Variants in GALNT2 observed in about 807,000 individuals in gnomAD.
The protein encoded by GALNT2 is UDP-GalNAc:polypeptide N-acetylgalactosaminyltransferase 2.
In GALNT2, 31 loss-of-function variants were observed where a neutral mutation model predicts 81.4. The observed-to-expected ratio is 0.38, with a 90% confidence interval of 0.29 to 0.51. GALNT2 has a LOEUF of 0.51. GALNT2 is among the 20% of genes least tolerant of loss of function. The pLI, the probability that GALNT2 is intolerant of heterozygous loss-of-function variation, is 0.87. For synonymous variants in GALNT2, 303 were observed against 287.4 expected, an observed-to-expected ratio of 1.05 and a Z score of -0.55; for missense variants, 629 against 765.7, an observed-to-expected ratio of 0.82 and a Z score of 2.11.
chr1:230,181,157 A>G (rs1046029470), intron 2 of GALNT2, among the ~76,000 whole-genome samples: 13 of 152,052 alleles, frequency 8.5e-5, no homozygotes, highest in Non-Finnish European at 1.6e-4. Context: ...GTGAGGGGTC[A>G]TCTTTGCCTT....
chr1:230,269,234 G>A lies in GALNT2; in HGVS notation c.1440+3867G>A, dbSNP rs191701284. ...GGAGTTTGGCTGTGTTGCCCAGGCT[G>A]GAGTGCAGTGGTGCAATCTCGGCTC... On this transcript the variant is annotated intron_variant, in intron 14 of 15. Coordinates refer to ENST00000366672, the MANE Select transcript of GALNT2 (RefSeq NM_004481.5). Among the ~76,000 whole-genome samples the A allele has an allele frequency of 5.0e-3, 697 of 140,656 alleles. 5 individuals carry two copies. Among genetic ancestry groups the A allele is most frequent in the Admixed American group, 0.011 (142 of 12,666 alleles). 92.3% of individuals were successfully genotyped at this position (140,656 alleles called of 152,430 possible). A position where few individuals can be genotyped will look rare whatever the true frequency, so the allele number is the denominator to read the frequency against.
At chr1:230,140,217 A>G (rs1345043081) in intron 1 of GALNT2, among the ~76,000 whole-genome samples, 3 of 152,200 alleles carry the variant, frequency 2.0e-5, no homozygotes, top group Non-Finnish European at 4.4e-5. Flanking sequence ...GCTTGGGTTT[A>G]GGGGATGGCT....
Position 230,279,950 on chromosome 1 carries a change from G to T in GALNT2, c.*492G>T, listed in dbSNP as rs943230409. On this transcript the variant is annotated 3_prime_UTR_variant, in exon 16 of 16. Transcript: ENST00000366672. This position sits in a 1 kb window ranked among gnomAD's most constrained non-coding sequence, Gnocchi z 4.6. The stretch of plus-strand genomic sequence containing the variant: ...GTCACGTGGCAGGTTTACGTCAATA[G>T]TCCCTCTCTCTGCTCCTCCATTCGC... The T allele has an allele frequency of 1.3e-5, 6 of 456,310 alleles. No homozygotes were observed. In the East Asian group the frequency reaches 4.2e-4, roughly 32 times the overall value. 28.3% of individuals were successfully genotyped at this position (456,310 alleles called of 1,614,324 possible).
chr1:230,133,034 C>T (rs1661417883), intron 1 of GALNT2, among the ~76,000 whole-genome samples: 1 of 152,226 alleles, frequency 6.6e-6, no homozygotes, highest in South Asian at 2.1e-4. Flanking sequence ...TTTTAATATA[C>T]TCGTGGTAAC....
intron 2 of GALNT2, among the ~76,000 whole-genome samples, chr1:230,199,690 G>A (rs1254976933): frequency 1.3e-5 from 2 of 152,166 alleles, no homozygotes; most frequent in Non-Finnish European, 2.9e-5. Context: ...ACTGTTGATA[G>A]TCTGTCTCTA....
chr1:230,060,558 G>T (rs1391645047), intron 1 of GALNT2, among the ~76,000 whole-genome samples: 1 of 150,944 alleles, frequency 6.6e-6, no homozygotes, highest in Non-Finnish European at 1.5e-5. Context: ...TGAATAATAT[G>T]TCTATTATCC....
intron 1 of GALNT2, among the ~76,000 whole-genome samples, chr1:230,147,797 G>C (rs887412079): frequency 6.6e-6 from 1 of 152,200 alleles, no homozygotes; most frequent in Non-Finnish European, 1.5e-5. Flanking sequence ...GAGGGCCTCA[G>C]CTCTGCCTGT....
In GALNT2 at chr1:230,165,077, A is replaced by T. The variant is rs530806940; in HGVS notation, c.127-13141A>T. Among the ~76,000 whole-genome samples the T allele has an allele frequency of 1.4e-4, 22 of 152,378 alleles. No individual in the cohort carries two copies. The South Asian group carries it at 4.6e-3, about 32-fold the overall frequency. On this transcript the variant is annotated intron_variant, in intron 1 of 15. Coordinates refer to ENST00000366672, the MANE Select transcript of GALNT2 (RefSeq NM_004481.5). Reference sequence around the variant, plus strand: ...GTTCCAACTTTAACATATCTGGGCTAAATTTTTAAAACTATTCAACAATTC... The same window carrying T: ...GTTCCAACTTTAACATATCTGGGCTTAATTTTTAAAACTATTCAACAATTC...
intron 1 of GALNT2, among the ~76,000 whole-genome samples, chr1:230,121,959 T>TC (rs1661029852): frequency 6.7e-6 from 1 of 149,956 alleles, no homozygotes; most frequent in Non-Finnish European, 1.5e-5. Context: ...TTTTTTTTTT[T>TC]TTTTTTTTCA....
At chr1:230,163,825 T>C (rs563144144) in intron 1 of GALNT2, among the ~76,000 whole-genome samples, 1 of 152,342 alleles carries the variant, frequency 6.6e-6, no homozygotes, top group East Asian at 1.9e-4. Context: ...TTGGCTGCTG[T>C]GGGCCAGGCC....
At chr1:230,071,463 A>T (rs1365025853) in intron 1 of GALNT2, among the ~76,000 whole-genome samples, 2 of 152,142 alleles carry the variant, frequency 1.3e-5, no homozygotes, top group Non-Finnish European at 2.9e-5. Context: ...GTGTCCCTGA[A>T]CGAGGGGTTC....
At chr1:230,144,368 G>T (rs1661846092) in intron 1 of GALNT2, among the ~76,000 whole-genome samples, 1 of 152,108 alleles carries the variant, frequency 6.6e-6, no homozygotes, top group Non-Finnish European at 1.5e-5. Context: ...TACTACACTC[G>T]GCTTCTCTAT....
chr1:230,237,310 G>T (rs1665062135), intron 6 of GALNT2, among the ~76,000 whole-genome samples: 1 of 152,188 alleles, frequency 6.6e-6, no homozygotes, highest in Non-Finnish European at 1.5e-5. Context: ...TGGGAAGGAA[G>T]CTCCAATCAC....
At position 230,085,737 on chromosome 1, in the gene GALNT2, G is replaced by T. The variant is rs550630995; in HGVS notation, c.126+18331G>T. Among the ~76,000 whole-genome samples the T allele has an allele frequency of 7.2e-5, 11 of 152,344 alleles. No individual in the cohort carries two copies. In the East Asian group the frequency reaches 2.1e-3, roughly 29 times the overall value. On this transcript the variant is annotated intron_variant, in intron 1 of 15. Coordinates refer to ENST00000366672, the MANE Select transcript of GALNT2 (RefSeq NM_004481.5). ...CAAGATGCAGGATTAGGCATCTGAGGTTCTCTTATTCATTGCATTTTGGAT... is the reference window on the plus strand; with the variant it reads ...CAAGATGCAGGATTAGGCATCTGAGTTTCTCTTATTCATTGCATTTTGGAT...
intron 2 of GALNT2, among the ~76,000 whole-genome samples, chr1:230,184,976 T>C (rs1329123220): frequency 6.6e-6 from 1 of 152,232 alleles, no homozygotes; most frequent in African/African-American, 2.4e-5. Context: ...TGTCATGTCC[T>C]AAAGTTTAGA....
At chr1:230,210,200 A>G (rs1664191987) in intron 3 of GALNT2, among the ~76,000 whole-genome samples, 1 of 152,224 alleles carries the variant, frequency 6.6e-6, no homozygotes, top group Admixed American at 6.5e-5. Flanking sequence ...GAACCCAGGA[A>G]GTTTATGAAA....
chr1:230,177,440 G>C (rs932501640), intron 1 of GALNT2, among the ~76,000 whole-genome samples: 10 of 152,222 alleles, frequency 6.6e-5, no homozygotes, highest in African/African-American at 2.2e-4. Context: ...TCTGATTTGG[G>C]TTATATACAG....
chr1:230,190,278 T>C (rs1325825857), intron 2 of GALNT2, among the ~76,000 whole-genome samples: 1 of 152,260 alleles, frequency 6.6e-6, no homozygotes, highest in African/African-American at 2.4e-5. Context: ...TGTTCCTCCA[T>C]ACTTGCCCTG....
Position 230,185,301 on chromosome 1 carries a change from T to TGTGCGCGC in GALNT2, c.220+6991_220+6992insTGCGCGCG, listed in dbSNP as rs58770415. The stretch of plus-strand genomic sequence containing the variant: ...GTGTGTGTGTGTGTGTGTGTGTGTG[T>TGTGCGCGC]GCGCGCGTGTGTGTGTGTGTTTAAC... On this transcript the variant is annotated intron_variant, in intron 2 of 15. Coordinates refer to ENST00000366672, the MANE Select transcript of GALNT2 (RefSeq NM_004481.5). Among the ~76,000 whole-genome samples, 1,022 of 126,094 alleles carry TGTGCGCGC rather than the reference T, an allele frequency of 8.1e-3. 6 individuals carry two copies. Among genetic ancestry groups the TGTGCGCGC allele is most frequent in the South Asian group, 0.018 (61 of 3,468 alleles). 82.7% of individuals were successfully genotyped at this position (126,094 alleles called of 152,430 possible). A position where few individuals can be genotyped will look rare whatever the true frequency, so the allele number is the denominator to read the frequency against.
Sources: allele counts gnomAD v4.1 joint callset (sites outside exome capture counted in the v4.1 genomes callset), GRCh38; gene constraint gnomAD v4.1.1; non-coding constraint Gnocchi (gnomAD v3.1); transcripts MANE v1.5; gene names NCBI Gene and HGNC (gene_info 2026-07-23, HGNC 2026-07-21).